Variants in HPSE2 observed in about 807,000 individuals in gnomAD.
HPSE2 encodes heparanase 2 (inactive).
Under a neutral mutation model 60.5 loss-of-function variants are expected in HPSE2, and 38 were observed. The observed-to-expected ratio is 0.63, with a 90% CI of 0.48 to 0.82. The LOEUF (loss-of-function observed/expected upper bound fraction) is 0.82, where lower values mean the gene tolerates loss of function less well. Ranked by LOEUF, HPSE2 falls within the 40% of genes least tolerant of loss-of-function variation. The probability of loss-of-function intolerance (pLI) is 0.00; values close to 1 mark genes in which losing one functional copy is unlikely to be tolerated. For missense variants in HPSE2, 713 were observed against 740.4 expected (o/e 0.96, Z 0.43); for synonymous variants, 295 against 293.2 (o/e 1.01, Z -0.06).
intron 6 of HPSE2, among the ~76,000 whole-genome samples, chr10:98,688,471 T>G (rs1947980774): frequency 7.8e-6 from 1 of 127,480 alleles, no homozygotes; most frequent in African/African-American, 3.1e-5. Flanking sequence ...ATTTCTTTTT[T>G]TTTTTCTTTT....
chr10:98,502,825 G>GAA (rs1239923127), intron 9 of HPSE2, among the ~76,000 whole-genome samples: 1 of 151,876 alleles, frequency 6.6e-6, no homozygotes, highest in African/African-American at 2.4e-5. Context: ...AAATCAGTAA[G>GAA]AAAAAAACAA....
the HPSE2 span, among the ~76,000 whole-genome samples, chr10:99,308,929 G>C: frequency 6.6e-6 from 1 of 152,128 alleles, no homozygotes; most frequent in African/African-American, 2.4e-5. Flanking sequence ...TCCAAGAACA[G>C]TTCTTGTATT....
chr10:98,531,491 T>C (rs1438005321), intron 9 of HPSE2, among the ~76,000 whole-genome samples: 1 of 152,186 alleles, frequency 6.6e-6, no homozygotes, highest in Non-Finnish European at 1.5e-5. Context: ...TGGGATCTAC[T>C]GTACTCTGGG....
chr10:98,497,115 A>G (rs1330127140), intron 9 of HPSE2, among the ~76,000 whole-genome samples: 2 of 152,138 alleles, frequency 1.3e-5, no homozygotes, highest in Non-Finnish European at 2.9e-5. Context: ...TTATTTTAGT[A>G]TCATATAATG....
At chr10:98,475,553 T>C (rs77974718) in intron 11 of HPSE2, among the ~76,000 whole-genome samples, 1,985 of 152,296 alleles carry the variant, frequency 0.013, 31 homozygotes, top group African/African-American at 0.041. Context: ...CCAGTTTCCT[T>C]GGGAAGCCTC....
At chr10:99,186,234 C>T (rs888005073) in intron 2 of HPSE2, among the ~76,000 whole-genome samples, 10 of 150,792 alleles carry the variant, frequency 6.6e-5, no homozygotes, top group African/African-American at 2.2e-4. Flanking sequence ...AGATACATTG[C>T]CTATAAAGGA....
chr10:98,856,715 T>C (rs1952324603), intron 3 of HPSE2, among the ~76,000 whole-genome samples: 1 of 152,202 alleles, frequency 6.6e-6, no homozygotes. Flanking sequence ...AAATGGTAAA[T>C]GTGATGTACG....
chr10:98,522,623 C>T (rs2133777492), intron 9 of HPSE2, among the ~76,000 whole-genome samples: 1 of 152,254 alleles, frequency 6.6e-6, no homozygotes, highest in South Asian at 2.1e-4. Flanking sequence ...TACAGGCGCC[C>T]ACCACAATGC....
intron 9 of HPSE2, among the ~76,000 whole-genome samples, chr10:98,589,926 G>A (rs1006192005): frequency 5.9e-5 from 9 of 152,168 alleles, no homozygotes; most frequent in East Asian, 1.9e-4. Context: ...GGAGAAGGCC[G>A]CTGGCAGCTG....
At chr10:99,169,188 G>A (rs562174282) in intron 2 of HPSE2, among the ~76,000 whole-genome samples, 78 of 111,508 alleles carry the variant, frequency 7.0e-4, no homozygotes, top group Middle Eastern at 9.4e-3. Context: ...GCAAGACTCC[G>A]TCTCAAAAAA....
At chr10:98,897,687 C>G (rs186157659) in intron 3 of HPSE2, among the ~76,000 whole-genome samples, 2 of 152,134 alleles carry the variant, frequency 1.3e-5, no homozygotes, top group African/African-American at 4.8e-5. Context: ...ATCTCATACC[C>G]TTCACAAAAA....
At chr10:98,753,511 C>T (rs1278465232) in intron 3 of HPSE2, among the ~76,000 whole-genome samples, 3 of 152,162 alleles carry the variant, frequency 2.0e-5, no homozygotes, top group African/African-American at 7.2e-5. Context: ...GTGTCCATTA[C>T]TAATAAATAT....
intron 2 of HPSE2, among the ~76,000 whole-genome samples, chr10:99,178,750 T>G (rs1281000764): frequency 6.6e-6 from 1 of 151,972 alleles, no homozygotes; most frequent in Non-Finnish European, 1.5e-5. Flanking sequence ...AAAGAGGGAA[T>G]CCTCCCTAAC....
At chr10:98,612,251 A>G (rs1356549243) in intron 9 of HPSE2, among the ~76,000 whole-genome samples, 13 of 152,220 alleles carry the variant, frequency 8.5e-5, no homozygotes, top group Admixed American at 8.5e-4. Context: ...AGGCTACCAT[A>G]AGAAACAGTG....
chr10:99,247,739 G>T, the HPSE2 span, among the ~76,000 whole-genome samples: 2 of 152,212 alleles, frequency 1.3e-5, no homozygotes, highest in Admixed American at 6.5e-5. Flanking sequence ...ATCTCATGTG[G>T]AATTCTAATC....
intron 3 of HPSE2, among the ~76,000 whole-genome samples, chr10:99,065,119 A>G (rs1842572748): frequency 1.3e-5 from 2 of 152,160 alleles, no homozygotes; most frequent in Non-Finnish European, 2.9e-5. Context: ...TTTAAATTTG[A>G]ACATATTTCT....
At chr10:98,541,654 C>A (rs1424645883) in intron 9 of HPSE2, among the ~76,000 whole-genome samples, 1 of 148,310 alleles carries the variant, frequency 6.7e-6, no homozygotes, top group Non-Finnish European at 1.5e-5. Context: ...AAACGGCACA[C>A]CAGGAGATTA....
chr10:98,666,535 T>C (rs1399704204), intron 6 of HPSE2, among the ~76,000 whole-genome samples: 1 of 152,174 alleles, frequency 6.6e-6, no homozygotes, highest in African/African-American at 2.4e-5. Context: ...TGCTGAGTCA[T>C]AGAGCAAGTC....
chr10:99,235,767 G>A lies in HPSE2; in HGVS notation c.36C>T (p.Pro12=). The A allele has an allele frequency of 6.2e-7, 1 of 1,613,876 alleles. No individual in the cohort carries two copies. The highest frequency in any genetic ancestry group is 8.5e-7 in the Non-Finnish European group (1 of 1,179,950). Residue 12 remains proline (P), a synonymous_variant, in exon 1 of 12, where the codon CCC becomes CCT. Transcript: ENST00000370552. ...RVLCAFPEAM[P]SSNSRPPACL... is the part of the protein sequence containing the mutation. Reference sequence around the variant, plus strand: ...ACGCGGGGGGGCGGGAGTTGCTGGAGGGCATGGCTTCAGGGAAGGCACAAA... The same window carrying A: ...ACGCGGGGGGGCGGGAGTTGCTGGAAGGCATGGCTTCAGGGAAGGCACAAA...
Sources: allele counts gnomAD v4.1 joint callset (sites outside exome capture counted in the v4.1 genomes callset), GRCh38; gene constraint gnomAD v4.1.1; transcripts MANE v1.5; gene names NCBI Gene and HGNC (gene_info 2026-07-23, HGNC 2026-07-21).